PHKA1: variants seen among roughly 807,000 people sequenced by gnomAD.
PHKA1 encodes the protein phosphorylase kinase regulatory subunit alpha 1, also known as phosphorylase b kinase regulatory subunit alpha, skeletal muscle isoform.
In PHKA1, 60 loss-of-function variants were observed where a neutral mutation model predicts 110.2. The observed-to-expected ratio is 0.54, with a 90% CI of 0.44 to 0.68. The LOEUF is 0.68. Ranked by LOEUF, PHKA1 falls within the 30% of genes least tolerant of loss-of-function variation. PHKA1 has a pLI of 0.00. For synonymous variants in PHKA1, 316 were observed against 333.6 expected (o/e 0.95, Z 0.58); for missense variants, 801 against 942.5 (o/e 0.85, Z 1.97).
chrX:72,604,152 C>CA (rs879947518), intron 25 of PHKA1, among the ~76,000 whole-genome samples: 3,076 of 96,834 alleles, frequency 0.032, 97 homozygotes, highest in African/African-American at 0.092. Flanking sequence ...CACTCTCTCG[C>CA]AAAAAAAAAA....
chrX:72,705,737 TG>T (rs2054275000), intron 2 of PHKA1, among the ~76,000 whole-genome samples: 1 of 112,284 alleles, frequency 8.9e-6, no homozygotes, highest in Non-Finnish European at 1.9e-5. Flanking sequence ...AAAGGGGATC[TG>T]TTCATTTGAC....
At chrX:72,663,972 A>G (rs1173717747) in intron 8 of PHKA1, among the ~76,000 whole-genome samples, 6 of 111,412 alleles carry the variant, frequency 5.4e-5, no homozygotes, top group African/African-American at 2.0e-4. Flanking sequence ...ATCAAGCCTT[A>G]TCACTACAGA....
intron 18 of PHKA1, chrX:72,622,752 C>A: frequency 1.4e-6 from 1 of 736,380 alleles, no homozygotes; most frequent in Non-Finnish European, 1.6e-6. Context: ...TTTTTAATGT[C>A]AAAAAGCAGT....
intron 23 of PHKA1, among the ~76,000 whole-genome samples, chrX:72,608,025 CAGA>C (rs1211391237): frequency 9.0e-6 from 1 of 111,133 alleles, no homozygotes; most frequent in African/African-American, 3.3e-5. Context: ...TTTTCTTAAG[CAGA>C]AGGAGTCTCT....
Position 72,584,587 on chromosome X carries a change from C to T in PHKA1, c.3244-285G>A, listed in dbSNP as rs1055417252. On this transcript the variant is annotated intron_variant, in intron 29 of 31. Transcript: ENST00000373542. ...CTCTATCTTTTGGGATAGACTAGTC[C>T]CAAATATTCAGAGACTATCTGGAAA... Among the ~76,000 whole-genome samples, 15 of 111,053 alleles carry T rather than the reference C, an allele frequency of 1.4e-4. No homozygotes were observed. In the Middle Eastern group the frequency reaches 0.014, roughly 105 times the overall value.
chrX:72,623,517 A>G (rs1271830627), intron 17 of PHKA1, among the ~76,000 whole-genome samples: 5 of 111,506 alleles, frequency 4.5e-5, no homozygotes, highest in African/African-American at 1.6e-4. Flanking sequence ...CCAGCAGACC[A>G]GTTTTGCTCT....
chrX:72,696,612 A>T (rs1556327529), intron 3 of PHKA1, among the ~76,000 whole-genome samples: 1 of 111,853 alleles, frequency 8.9e-6, no homozygotes, highest in Admixed American at 9.4e-5. Flanking sequence ...TTCTGAACTA[A>T]TGTACTTCTT....
intron 21 of PHKA1, among the ~76,000 whole-genome samples, chrX:72,616,318 T>C (rs1449488528): frequency 8.9e-6 from 1 of 112,101 alleles, no homozygotes; most frequent in Non-Finnish European, 1.9e-5. Flanking sequence ...CAGTGAGCCA[T>C]GTTCATGGCA....
chrX:72,630,270 A>T (rs1260384807), intron 16 of PHKA1, among the ~76,000 whole-genome samples: 1 of 104,791 alleles, frequency 9.5e-6, no homozygotes, highest in East Asian at 3.1e-4. Context: ...AAAAAGAAAA[A>T]GAAAAAGAAA....
chrX:72,594,080 G>T (rs917345650), intron 28 of PHKA1, among the ~76,000 whole-genome samples: 1 of 111,169 alleles, frequency 9.0e-6, no homozygotes, highest in Non-Finnish European at 1.9e-5. Flanking sequence ...AAAATCACTA[G>T]CAAAATTAGA....
intron 8 of PHKA1, among the ~76,000 whole-genome samples, chrX:72,665,891 A>G (rs932226797): frequency 7.2e-5 from 8 of 111,866 alleles, no homozygotes; most frequent in Admixed American, 9.5e-5. Flanking sequence ...CTAGGATGAC[A>G]TAGTTGGGTT....
At chrX:72,674,303 A>G (rs1247630779) in intron 6 of PHKA1, among the ~76,000 whole-genome samples, 1 of 109,966 alleles carries the variant, frequency 9.1e-6, no homozygotes, top group Non-Finnish European at 1.9e-5. Context: ...ATGATTTATA[A>G]TCCTTTGGGT....
intron 2 of PHKA1, chrX:72,709,600 A>T (rs1206207852): frequency 9.0e-6 from 1 of 110,744 alleles, no homozygotes. Flanking sequence ...ATCTATGTTC[A>T]TATTTTGCCA....
At chrX:72,687,499 T>A (rs2053980773) in intron 4 of PHKA1, among the ~76,000 whole-genome samples, 1 of 111,351 alleles carries the variant, frequency 9.0e-6, no homozygotes, top group Admixed American at 9.6e-5. Context: ...ACTTATGTCC[T>A]TTTGCTCATA....
Position 72,682,941 on chromosome X carries a change from A to T in PHKA1, c.537+1557T>A, listed in dbSNP as rs2053926279. ...ATCAATAAAAAAATAAATTAAAAAA[A>T]AAAAAAAAAAAAAAAAAGAAAGTTT... is the stretch of plus-strand genomic sequence containing the variant. On this transcript the variant is annotated intron_variant, in intron 5 of 31. Transcript: ENST00000373542. Among the ~76,000 whole-genome samples, 3 of 104,201 alleles carry T rather than the reference A, an allele frequency of 2.9e-5. No homozygotes were observed. The Admixed American group carries it at 3.1e-4, about 11-fold the overall frequency. The allele number at this position is 104,201 out of a possible 115,157, so 90.5% of individuals were successfully genotyped here.
intron 16 of PHKA1, among the ~76,000 whole-genome samples, chrX:72,629,354 C>G (rs1556285332): frequency 9.0e-6 from 1 of 111,480 alleles, no homozygotes; most frequent in African/African-American, 3.2e-5. Context: ...TCTTACTTTT[C>G]TAGAAAATCT....
rs2054430736 is a variant in PHKA1 at position 72,714,300 on chromosome X, G to A, written c.-420C>T. ...CCTCCACCTTGCGGGAGACGCGAGCGGGAGGCGGGGCGGGCGCGACTGGTT... is the reference window on the plus strand; with the variant it reads ...CCTCCACCTTGCGGGAGACGCGAGCAGGAGGCGGGGCGGGCGCGACTGGTT... On this transcript the variant is annotated 5_prime_UTR_variant, in exon 1 of 32. Coordinates refer to ENST00000373542, the MANE Select transcript of PHKA1 (RefSeq NM_002637.4). 1 of 131,685 alleles carries A rather than the reference G, an allele frequency of 7.6e-6. No individual in the cohort carries two copies. Among genetic ancestry groups the A allele is most frequent in the African/African-American group, 3.2e-5 (1 of 31,466 alleles). The allele number at this position is 131,685 out of a possible 1,213,427, so 10.9% of individuals were successfully genotyped here.
intron 3 of PHKA1, among the ~76,000 whole-genome samples, chrX:72,701,600 C>T (rs1449255932): frequency 3.6e-5 from 4 of 110,973 alleles, no homozygotes; most frequent in Non-Finnish European, 7.6e-5. Flanking sequence ...GCGCCTGTAA[C>T]CCCAGCTCCT....
At position 72,616,051 on chromosome X, in the gene PHKA1, C is replaced by T. The variant is rs142413518; in HGVS notation, c.2369+2659G>A. Among the ~76,000 whole-genome samples, 1,022 of 111,517 alleles carry T rather than the reference C, an allele frequency of 9.2e-3. 16 individuals are homozygous for T. The highest frequency in any genetic ancestry group is 0.032 in the African/African-American group (974 of 30,690). ...CAAATGGAAAGCAAAAGACAACAGA[C>T]GTAACTCTACTTGGATAAAACAGAC... On this transcript the variant is annotated intron_variant, in intron 21 of 31. Coordinates refer to ENST00000373542, the MANE Select transcript of PHKA1 (RefSeq NM_002637.4).
Sources: allele counts gnomAD v4.1 joint callset (sites outside exome capture counted in the v4.1 genomes callset), GRCh38; gene constraint gnomAD v4.1.1; transcripts MANE v1.5; gene names NCBI Gene and HGNC (gene_info 2026-07-23, HGNC 2026-07-21).